Variants in UEVLD observed in about 807,000 individuals in gnomAD.
The protein encoded by UEVLD is UEV and lactate/malate dehyrogenase domains.
Under a neutral mutation model 58.6 loss-of-function variants are expected in UEVLD, and 47 were observed. The ratio of observed to expected loss-of-function variants is 0.80; its 90% CI spans 0.63 to 1.02. UEVLD has a LOEUF of 1.02. UEVLD is among the 50% of genes least tolerant of loss of function. UEVLD has a pLI of 0.00. For missense variants in UEVLD, 510 were observed against 550.6 expected (o/e 0.93, Z 0.74); for synonymous variants, 197 against 195.3 (o/e 1.01, Z -0.07).
At chr11:18,537,324 A>ATATTTT (rs1160942409) in intron 9 of UEVLD, among the ~76,000 whole-genome samples, 1 of 131,572 alleles carries the variant, frequency 7.6e-6, no homozygotes, top group Non-Finnish European at 1.6e-5. Flanking sequence ...ATATATATAT[A>ATATTTT]TTTTTTTTTT....
chr11:18,554,521 T>C (rs917866429), intron 7 of UEVLD, among the ~76,000 whole-genome samples: 1 of 151,288 alleles, frequency 6.6e-6, no homozygotes, highest in Non-Finnish European at 1.5e-5. Flanking sequence ...CTCAGTCTCC[T>C]GAGTAGCTGG....
At chr11:18,572,181 A>C (rs1481336724) in intron 3 of UEVLD, among the ~76,000 whole-genome samples, 1 of 152,184 alleles carries the variant, frequency 6.6e-6, no homozygotes, top group African/African-American at 2.4e-5. Flanking sequence ...GTTTGCAGTG[A>C]GCCGAGATCG....
At chr11:18,544,557 G>A in intron 9 of UEVLD, 66 bp downstream of exon 9, 1 of 1,520,406 alleles carries the variant, frequency 6.6e-7, no homozygotes, top group Admixed American at 2.3e-5. Context: ...ATCCTGCCTT[G>A]GCCTCCCAAA....
At chr11:18,540,629 A>G (rs1181892076) in intron 9 of UEVLD, among the ~76,000 whole-genome samples, 1 of 152,240 alleles carries the variant, frequency 6.6e-6, no homozygotes, top group Non-Finnish European at 1.5e-5. Context: ...ATACGTGCTC[A>G]GTTATGTTTT....
Position 18,531,176 on chromosome 11 carries a change from T to G in UEVLD, c.*1144A>C, listed in dbSNP as rs1850545884. 2.0e-5 allele frequency: 3 copies of G among 152,202 alleles called. No homozygotes were observed. The highest frequency in any genetic ancestry group is 6.5e-5 in the Admixed American group (1 of 15,278). 9.4% of individuals were successfully genotyped at this position (152,202 alleles called of 1,614,324 possible). Reference sequence around the variant, plus strand: ...GTGCCTAGAAAAAGTAGAGGTTGTATGGATAAGTGCCCCTTAATAGCCAAG... The same window carrying G: ...GTGCCTAGAAAAAGTAGAGGTTGTAGGGATAAGTGCCCCTTAATAGCCAAG... On this transcript the variant is annotated 3_prime_UTR_variant, in exon 12 of 12. Coordinates refer to ENST00000396197, the MANE Select transcript of UEVLD (RefSeq NM_001040697.4).
At chr11:18,577,659 C>T (rs1279412729) in intron 2 of UEVLD, among the ~76,000 whole-genome samples, 1 of 152,152 alleles carries the variant, frequency 6.6e-6, no homozygotes, top group Non-Finnish European at 1.5e-5. Context: ...CAATTGAGGT[C>T]AGGAGTTCGA....
chr11:18,533,575 C>T (rs997620578), intron 11 of UEVLD, among the ~76,000 whole-genome samples: 1 of 152,056 alleles, frequency 6.6e-6, no homozygotes, highest in East Asian at 1.9e-4. Flanking sequence ...TCTGGGGTGA[C>T]TTGGCTGGCT....
intron 9 of UEVLD, among the ~76,000 whole-genome samples, chr11:18,540,051 T>C (rs1307360832): frequency 6.6e-6 from 1 of 152,220 alleles, no homozygotes; most frequent in Non-Finnish European, 1.5e-5. Flanking sequence ...ACTGTAATAA[T>C]AGCTACCATT....
At chr11:18,558,080 C>A in intron 7 of UEVLD, 148 bp downstream of exon 7, 2 of 520,622 alleles carry the variant, frequency 3.8e-6, no homozygotes, top group South Asian at 7.7e-5. Context: ...TTGGGTAAGT[C>A]ATTTAACTTA....
intron 1 of UEVLD, among the ~76,000 whole-genome samples, chr11:18,581,994 A>G (rs887225125): frequency 6.6e-6 from 1 of 152,188 alleles, no homozygotes; most frequent in Non-Finnish European, 1.5e-5. Context: ...GTTGGGCAAA[A>G]TGAGTCCTAG....
chr11:18,575,768 G>A (rs1852873948), intron 2 of UEVLD, among the ~76,000 whole-genome samples: 1 of 152,142 alleles, frequency 6.6e-6, no homozygotes. Flanking sequence ...TTACAAAGTT[G>A]TCATAAGGAT....
At chr11:18,574,083 A>G (rs1291361626) in intron 3 of UEVLD, among the ~76,000 whole-genome samples, 1 of 152,222 alleles carries the variant, frequency 6.6e-6, no homozygotes, top group Non-Finnish European at 1.5e-5. Context: ...CTTTAAGCAC[A>G]TAACTGTATA....
rs140542993 is a variant in UEVLD, at chr11:18,580,035, CTTTTTT to C, written c.43-1233_43-1228del. Reference sequence around the variant, plus strand: ...TAATCCCTATCAAAATCCCAGCTGGCTTTTTTTTTTTTTTTTTTTTTTTGGCAAAGA... The same window carrying C: ...TAATCCCTATCAAAATCCCAGCTGGCTTTTTTTTTTTTTTTTTGGCAAAGA... On this transcript the variant is annotated intron_variant, in intron 1 of 11. Transcript: ENST00000396197. 5.9e-5 allele frequency among the ~76,000 whole-genome samples: 5 copies of C among 85,436 alleles called. No individual in the cohort carries two copies. In the East Asian group the frequency reaches 1.2e-3, roughly 20 times the overall value. The allele number at this position is 85,436 out of a possible 152,430, so 56.0% of individuals were successfully genotyped here.
In UEVLD at chr11:18,588,562, AC is replaced by A. The variant is rs745845935; in HGVS notation, c.42+50del. On this transcript the variant is annotated intron_variant, in intron 1 of 11. Coordinates refer to ENST00000396197, the MANE Select transcript of UEVLD (RefSeq NM_001040697.4). Reference sequence around the variant, plus strand: ...AGGCAACCTGGCCAAAGGCAGAGGCACCCCCCGCAAGACCCTGAGGACCCAA... The same window carrying A: ...AGGCAACCTGGCCAAAGGCAGAGGCACCCCCGCAAGACCCTGAGGACCCAA... The A allele has an allele frequency of 6.3e-6, 10 of 1,594,800 alleles. No individual in the cohort carries two copies. The African/African-American group carries it at 6.7e-5, about 11-fold the overall frequency.
At chr11:18,533,912 C>T (rs761935563) in intron 11 of UEVLD, among the ~76,000 whole-genome samples, 5 of 152,118 alleles carry the variant, frequency 3.3e-5, no homozygotes, top group African/African-American at 9.7e-5. Flanking sequence ...CCTCGGCCTC[C>T]GAGTGCTGGG....
chr11:18,588,691 G>A lies in UEVLD; in HGVS notation c.-37C>T. On this transcript the variant is annotated 5_prime_UTR_variant, in exon 1 of 12. Coordinates refer to ENST00000396197, the MANE Select transcript of UEVLD (RefSeq NM_001040697.4). ...TCCCGAGCTAGGTCCCAGGACTCCA[G>A]CCCCCGGACCTTCTTCCGGACTTGC... 1 of 1,601,702 alleles carries A rather than the reference G, an allele frequency of 6.2e-7. No homozygotes were observed. The highest frequency in any genetic ancestry group is 8.5e-7 in the Non-Finnish European group (1 of 1,178,064).
chr11:18,567,584 T>A (rs111462909), intron 4 of UEVLD, among the ~76,000 whole-genome samples: 2 of 152,146 alleles, frequency 1.3e-5, no homozygotes, highest in Non-Finnish European at 2.9e-5. Flanking sequence ...AGCATGCCAA[T>A]AGGCATTCAA....
intron 6 of UEVLD, among the ~76,000 whole-genome samples, chr11:18,561,930 A>C (rs1392903366): frequency 6.6e-6 from 1 of 152,046 alleles, no homozygotes; most frequent in Non-Finnish European, 1.5e-5. Context: ...TGTTTAGACA[A>C]GTGCCTGGTA....
At chr11:18,560,638 A>T (rs1851989872) in intron 6 of UEVLD, among the ~76,000 whole-genome samples, 1 of 152,232 alleles carries the variant, frequency 6.6e-6, no homozygotes, top group African/African-American at 2.4e-5. Flanking sequence ...AGTGGTTTAT[A>T]GCAGAGATTG....
Sources: allele counts gnomAD v4.1 joint callset (sites outside exome capture counted in the v4.1 genomes callset), GRCh38; gene constraint gnomAD v4.1.1; transcripts MANE v1.5; gene names NCBI Gene and HGNC (gene_info 2026-07-23, HGNC 2026-07-21).